Variants in GUCY1A2 observed in about 807,000 individuals in gnomAD.
GUCY1A2 encodes the protein guanylate cyclase 1 soluble subunit alpha 2.
GUCY1A2 carries 27 observed loss-of-function variants against 63.5 expected under a neutral mutation model. The observed-to-expected ratio is 0.43, with a 90% CI of 0.31 to 0.59. The LOEUF is 0.59. GUCY1A2 is among the 20% of genes least tolerant of loss of function. The probability of loss-of-function intolerance (pLI) is 0.11; values close to 1 mark genes in which losing one functional copy is unlikely to be tolerated. For missense variants in GUCY1A2, 768 were observed against 913.3 expected (o/e 0.84, Z 2.05); for synonymous variants, 364 against 343.5 (o/e 1.06, Z -0.66).
At chr11:107,004,969 G>T (rs985143295) in intron 1 of GUCY1A2, among the ~76,000 whole-genome samples, 1 of 152,166 alleles carries the variant, frequency 6.6e-6, no homozygotes, top group East Asian at 1.9e-4. Flanking sequence ...GATGTTCTCT[G>T]TTAAAGTCCT....
intron 7 of GUCY1A2, among the ~76,000 whole-genome samples, chr11:106,701,596 G>C (rs2135343981): frequency 6.7e-6 from 1 of 149,890 alleles, no homozygotes; most frequent in East Asian, 1.9e-4. Flanking sequence ...TAAAAGTAGA[G>C]AGTAGAATTG....
At chr11:106,838,465 T>A (rs1347040392) in intron 4 of GUCY1A2, among the ~76,000 whole-genome samples, 1 of 151,956 alleles carries the variant, frequency 6.6e-6, no homozygotes, top group Non-Finnish European at 1.5e-5. Context: ...TGCAAATTTA[T>A]ATACATATAT....
At position 106,680,689 on chromosome 11, in the gene GUCY1A2, A is replaced by G. The variant is rs1862418081; in HGVS notation, c.*6860T>C. On this transcript the variant is annotated 3_prime_UTR_variant, in exon 8 of 8. Coordinates refer to ENST00000526355, the MANE Select transcript of GUCY1A2 (RefSeq NM_000855.3). Reference sequence around the variant, plus strand: ...TTGTCAAAGCCTCAGTAAATCAACAATCCGGTTTGATTTTGATAGGGAAAT... The same window carrying G: ...TTGTCAAAGCCTCAGTAAATCAACAGTCCGGTTTGATTTTGATAGGGAAAT... 4.9e-6 allele frequency: 1 copy of G among 203,518 alleles called. No homozygotes were observed. The highest frequency in any genetic ancestry group is 6.0e-5 in the Admixed American group (1 of 16,694). The allele number at this position is 203,518 out of a possible 1,614,324, so 12.6% of individuals were successfully genotyped here.
At chr11:106,903,598 G>A (rs928368378) in intron 4 of GUCY1A2, among the ~76,000 whole-genome samples, 1 of 152,086 alleles carries the variant, frequency 6.6e-6, no homozygotes, top group African/African-American at 2.4e-5. Context: ...TTTGCTATCT[G>A]GTTTCAAATT....
chr11:106,920,010 T>C (rs935884172), intron 4 of GUCY1A2, among the ~76,000 whole-genome samples: 4 of 152,038 alleles, frequency 2.6e-5, no homozygotes, highest in African/African-American at 4.8e-5. Context: ...AAATTACAGG[T>C]TGACTCATTG....
intron 4 of GUCY1A2, among the ~76,000 whole-genome samples, chr11:106,859,584 G>A (rs1462506751): frequency 6.6e-6 from 1 of 151,874 alleles, no homozygotes; most frequent in African/African-American, 2.4e-5. Context: ...CAAGAAAAGT[G>A]CATTTTTAAA....
At chr11:106,733,153 G>GT (rs1863532135) in intron 6 of GUCY1A2, among the ~76,000 whole-genome samples, 1 of 152,124 alleles carries the variant, frequency 6.6e-6, no homozygotes, top group Admixed American at 6.6e-5. Flanking sequence ...ATGTATCACG[G>GT]TTTTTTAAAC....
chr11:106,849,961 A>T (rs560836966), intron 4 of GUCY1A2, among the ~76,000 whole-genome samples: 1 of 151,772 alleles, frequency 6.6e-6, no homozygotes, highest in South Asian at 2.1e-4. Context: ...TCAGAGAATT[A>T]CAGAATCATC....
intron 4 of GUCY1A2, among the ~76,000 whole-genome samples, chr11:106,857,918 G>A (rs749068186): frequency 6.6e-6 from 1 of 152,024 alleles, no homozygotes; most frequent in African/African-American, 2.4e-5. Context: ...TTAGATTTTG[G>A]TATCTGTCAG....
chr11:106,695,642 A>G (rs1187375255), intron 7 of GUCY1A2, among the ~76,000 whole-genome samples: 1 of 152,126 alleles, frequency 6.6e-6, no homozygotes, highest in African/African-American at 2.4e-5. Context: ...CCAAGATCTG[A>G]TGCAGTCTGA....
Position 106,682,901 on chromosome 11 carries a change from T to A in GUCY1A2, c.*4648A>T, listed in dbSNP as rs1862455292. The A allele has an allele frequency of 4.6e-6, 1 of 216,216 alleles. No individual in the cohort carries two copies. The highest frequency in any genetic ancestry group is 1.9e-4 in the South Asian group (1 of 5,364). 13.4% of individuals were successfully genotyped at this position (216,216 alleles called of 1,614,324 possible). A position where few individuals can be genotyped will look rare whatever the true frequency, so the allele number is the denominator to read the frequency against. On this transcript the variant is annotated 3_prime_UTR_variant, in exon 8 of 8. Transcript: ENST00000526355. ...GTTTGGATCAAGTGTGAGGAAGGAA[T>A]TTTGCACACTATCTCAGTATAGCCT...
chr11:106,880,383 T>A (rs940189520), intron 4 of GUCY1A2, among the ~76,000 whole-genome samples: 1 of 151,914 alleles, frequency 6.6e-6, no homozygotes. Context: ...AGACTGCATG[T>A]TTTTTTACAA....
chr11:106,913,986 CAAAAAAA>C (rs11325847), intron 4 of GUCY1A2, among the ~76,000 whole-genome samples: 1 of 71,246 alleles, frequency 1.4e-5, no homozygotes, highest in African/African-American at 4.1e-5. Context: ...AATGAAAAAG[CAAAAAAA>C]AAAAAAAAAA....
chr11:106,828,008 C>T, intron 4 of GUCY1A2: 2 of 678,254 alleles, frequency 2.9e-6, no homozygotes, highest in East Asian at 2.7e-5. Flanking sequence ...AGAATCCGAC[C>T]TACGGGTGCT....
At chr11:106,806,288 T>C (rs561456876) in intron 5 of GUCY1A2, among the ~76,000 whole-genome samples, 180 of 152,238 alleles carry the variant, frequency 1.2e-3, no homozygotes, top group Non-Finnish European at 2.3e-3. Flanking sequence ...ATATCTTTAT[T>C]TTATGGGGTA....
At chr11:106,775,960 A>G (rs1864350152) in intron 6 of GUCY1A2, among the ~76,000 whole-genome samples, 1 of 152,154 alleles carries the variant, frequency 6.6e-6, no homozygotes, top group Non-Finnish European at 1.5e-5. Context: ...TAAAGTTTTC[A>G]CAGGCTGCAA....
chr11:106,903,125 A>C (rs78543983), intron 4 of GUCY1A2, among the ~76,000 whole-genome samples: 3,708 of 152,300 alleles, frequency 0.024, 145 homozygotes, highest in African/African-American at 0.083. Flanking sequence ...AAATATGTAA[A>C]ATCTTTTTTT....
At chr11:106,750,385 G>T (rs149908166) in intron 6 of GUCY1A2, among the ~76,000 whole-genome samples, 1 of 151,952 alleles carries the variant, frequency 6.6e-6, no homozygotes, top group African/African-American at 2.4e-5. Context: ...GTCTCCTCTG[G>T]CAATACCCTC....
intron 7 of GUCY1A2, among the ~76,000 whole-genome samples, chr11:106,697,273 G>C (rs1166041716): frequency 6.6e-6 from 1 of 152,202 alleles, no homozygotes; most frequent in Admixed American, 6.5e-5. Flanking sequence ...AAGAGCTGCA[G>C]AAAGGATTCT....
Sources: allele counts gnomAD v4.1 joint callset (sites outside exome capture counted in the v4.1 genomes callset), GRCh38; gene constraint gnomAD v4.1.1; transcripts MANE v1.5; gene names NCBI Gene and HGNC (gene_info 2026-07-23, HGNC 2026-07-21).